ANKRD22: variants seen among roughly 807,000 people sequenced by gnomAD.
ANKRD22 encodes ankyrin repeat domain 22, also known as ankyrin repeat domain-containing protein 22.
Under a neutral mutation model 25.7 loss-of-function variants are expected in ANKRD22, and 24 were observed. The observed-to-expected ratio is 0.93, with a 90% CI of 0.68 to 1.31. The LOEUF (loss-of-function observed/expected upper bound fraction) is 1.31. Ranked by LOEUF, ANKRD22 falls within the 50% of genes most tolerant of loss-of-function variation. The probability of loss-of-function intolerance (pLI) is 0.00; values close to 1 mark genes in which losing one functional copy is unlikely to be tolerated. For synonymous variants in ANKRD22, 84 were observed against 84.3 expected (o/e 1.00, Z 0.02); for missense variants, 214 against 227.1 (o/e 0.94, Z 0.37).
chr10:88,831,678 T>C (rs1230066412), intron 2 of ANKRD22, among the ~76,000 whole-genome samples, 157 bp downstream of exon 2: 1 of 152,236 alleles, frequency 6.6e-6, no homozygotes, highest in Non-Finnish European at 1.5e-5. Context: ...TAATAAAATG[T>C]CCTTGGTATG....
intron 5 of ANKRD22, 102 bp downstream of exon 5, chr10:88,823,178 C>G: frequency 7.9e-7 from 1 of 1,269,968 alleles, no homozygotes; most frequent in Non-Finnish European, 1.1e-6. Flanking sequence ...ATTAATTTTA[C>G]TGTTGTTTAC....
chr10:88,834,128 C>T (rs544782180), intron 1 of ANKRD22, among the ~76,000 whole-genome samples: 1 of 152,212 alleles, frequency 6.6e-6, no homozygotes, highest in Non-Finnish European at 1.5e-5. Context: ...TAAATAAAAC[C>T]TTCAGTGACT....
intron 1 of ANKRD22, among the ~76,000 whole-genome samples, chr10:88,850,151 G>T (rs1438277075): frequency 6.6e-6 from 1 of 151,682 alleles, no homozygotes; most frequent in Non-Finnish European, 1.5e-5. Context: ...AGTAGGCTAT[G>T]TTTAAATATT....
chr10:88,831,458 G>T (rs1843902530), intron 2 of ANKRD22, among the ~76,000 whole-genome samples: 1 of 152,162 alleles, frequency 6.6e-6, no homozygotes, highest in Non-Finnish European at 1.5e-5. Context: ...TCTAACTAAT[G>T]AAACAGCATT....
Position 88,828,517 on chromosome 10 carries a change from G to A in ANKRD22, c.321+42C>T, listed in dbSNP as rs755520987. 18 of 1,400,648 alleles carry A rather than the reference G, an allele frequency of 1.3e-5. No individual in the cohort carries two copies. In the African/African-American group the frequency reaches 1.7e-4, roughly 13 times the overall value. 86.8% of individuals were successfully genotyped at this position (1,400,648 alleles called of 1,614,324 possible). On this transcript the variant is annotated intron_variant, in intron 3 of 5. Coordinates refer to ENST00000371930, the MANE Select transcript of ANKRD22 (RefSeq NM_144590.3). Reference sequence around the variant, plus strand: ...GCAAGAGTCAATGAGTCACACCATCGATCTCCACATTTGCCCTTTGCTCTA... The same window carrying A: ...GCAAGAGTCAATGAGTCACACCATCAATCTCCACATTTGCCCTTTGCTCTA...
intron 1 of ANKRD22, among the ~76,000 whole-genome samples, chr10:88,843,631 T>A (rs1457563178): frequency 6.6e-6 from 1 of 152,176 alleles, no homozygotes; most frequent in African/African-American, 2.4e-5. Flanking sequence ...TTTTTGGTTA[T>A]TACTATAAAG....
At position 88,843,739 on chromosome 10, in the gene ANKRD22, T is replaced by C. The variant is rs545139518; in HGVS notation, c.21+7848A>G. ...AAGAATTTCCCACAAGGGATTTCAT[T>C]GGGAGAATTATTTGTGTCTGGCCTT... On this transcript the variant is annotated intron_variant, in intron 1 of 5. Transcript: ENST00000371930. Among the ~76,000 whole-genome samples, 6 of 152,282 alleles carry C rather than the reference T, an allele frequency of 3.9e-5. No individual in the cohort carries two copies. The South Asian group carries it at 1.2e-3, about 32-fold the overall frequency.
intron 1 of ANKRD22, among the ~76,000 whole-genome samples, chr10:88,844,251 CA>C (rs1260401103): frequency 1.3e-5 from 2 of 152,062 alleles, no homozygotes; most frequent in African/African-American, 4.8e-5. Flanking sequence ...GCTGCATGAG[CA>C]AGGGGAGTGG....
intron 1 of ANKRD22, among the ~76,000 whole-genome samples, chr10:88,846,131 T>A (rs1844046158): frequency 6.6e-6 from 1 of 152,100 alleles, no homozygotes; most frequent in Non-Finnish European, 1.5e-5. Context: ...TTTTTGCGTA[T>A]GTATGGTCAG....
Position 88,842,647 on chromosome 10 carries a change from G to A in ANKRD22, c.21+8940C>T, listed in dbSNP as rs190136969. Among the ~76,000 whole-genome samples the A allele has an allele frequency of 1.7e-4, 26 of 152,152 alleles. No homozygotes were observed. In the East Asian group the frequency reaches 4.3e-3, roughly 25 times the overall value. The stretch of plus-strand genomic sequence containing the variant: ...CATCACATTCTGTATCATGTTATAC[G>A]ACAAACCTTCCCAAGCATCTGCAGA... On this transcript the variant is annotated intron_variant, in intron 1 of 5. Transcript: ENST00000371930.
intron 3 of ANKRD22, among the ~76,000 whole-genome samples, chr10:88,827,654 TA>T (rs757695094): frequency 4.6e-5 from 7 of 152,238 alleles, no homozygotes; most frequent in Non-Finnish European, 1.0e-4. Flanking sequence ...AATCCAAATA[TA>T]AAAATCAACA....
At chr10:88,836,255 A>C (rs913790001) in intron 1 of ANKRD22, among the ~76,000 whole-genome samples, 2 of 152,210 alleles carry the variant, frequency 1.3e-5, no homozygotes, top group African/African-American at 4.8e-5. Flanking sequence ...ATATAAGGGC[A>C]CTGTGACTAC....
At position 88,822,989 on chromosome 10, in the gene ANKRD22, C is replaced by T. The variant is rs1843814614; in HGVS notation, c.528G>A (p.Arg176=). 2 of 1,612,928 alleles carry T rather than the reference C, an allele frequency of 1.2e-6. No homozygotes were observed. Among genetic ancestry groups the T allele is most frequent in the Non-Finnish European group, 8.5e-7 (1 of 1,179,372 alleles). Residue 176 remains arginine, a synonymous_variant, in exon 6 of 6, where the codon CGG becomes CGA. Coordinates refer to ENST00000371930, the MANE Select transcript of ANKRD22 (RefSeq NM_144590.3). ...ATTCAATCTGGGAAAATTTTAATCT[C>T]CGTGCAATATCCAGTGAGCTCTCAC... The part of the protein sequence containing the change: ...KHGESSLDIA[R]RLKFSQIELM...
rs1436912551 is a variant in ANKRD22 at position 88,830,333 on chromosome 10, A to G, written c.213+1502T>C. 2.0e-5 allele frequency among the ~76,000 whole-genome samples: 3 copies of G among 152,346 alleles called. No individual in the cohort carries two copies. The East Asian group carries it at 5.8e-4, about 29-fold the overall frequency. On this transcript the variant is annotated intron_variant, in intron 2 of 5. Coordinates refer to ENST00000371930, the MANE Select transcript of ANKRD22 (RefSeq NM_144590.3). The stretch of plus-strand genomic sequence containing the variant: ...TTAATCTTGGTCAGTTTGACAGACA[A>G]AAACAAGGATCTTTATGTTTTAATT...
chr10:88,826,727 A>G (rs996485048), intron 3 of ANKRD22, among the ~76,000 whole-genome samples: 4 of 151,906 alleles, frequency 2.6e-5, no homozygotes, highest in Admixed American at 1.3e-4. Flanking sequence ...TCCCTGACCC[A>G]CCTGACCAGG....
intron 1 of ANKRD22, among the ~76,000 whole-genome samples, chr10:88,839,400 C>T (rs1004392411): frequency 2.0e-5 from 3 of 152,130 alleles, no homozygotes; most frequent in African/African-American, 7.2e-5. Context: ...TGTGTATAAA[C>T]CACTGCTGTT....
rs1197543937 is a variant in ANKRD22 at position 88,821,939 on chromosome 10, G to A, written c.*1002C>T. ...CAAATAATCCAGATCCTACCTCATT[G>A]TATAGCTCTGTTTCTTTTGAAGAAC... On this transcript the variant is annotated 3_prime_UTR_variant, in exon 6 of 6. Transcript: ENST00000371930. 6.6e-6 allele frequency among the ~76,000 whole-genome samples: 1 copy of A among 152,152 alleles called. No homozygotes were observed. Among genetic ancestry groups the A allele is most frequent in the Non-Finnish European group, 1.5e-5 (1 of 68,010 alleles).
intron 2 of ANKRD22, among the ~76,000 whole-genome samples, chr10:88,830,850 A>G (rs1412605120): frequency 2.0e-5 from 3 of 152,200 alleles, no homozygotes; most frequent in African/African-American, 7.2e-5. Context: ...CTGCAACTCC[A>G]CATATCTGGT....
At chr10:88,828,450 G>C in intron 3 of ANKRD22, 109 bp downstream of exon 3, 2 of 829,430 alleles carry the variant, frequency 2.4e-6, no homozygotes, top group Non-Finnish European at 3.9e-6. Flanking sequence ...CAAACCAAAG[G>C]CTTTTTTTGT....
Sources: gnomAD v4.1 joint callset for allele counts (sites outside exome capture counted in the v4.1 genomes callset) on GRCh38, gnomAD v4.1.1 for gene constraint, MANE v1.5 for transcripts, NCBI Gene and HGNC (gene_info 2026-07-23, HGNC 2026-07-21) for gene names.